Variants in SLC4A10 observed in about 807,000 individuals in gnomAD.
SLC4A10 encodes the protein solute carrier family 4 member 10.
Under a neutral mutation model 137.7 loss-of-function variants are expected in SLC4A10, and 42 were observed. The ratio of observed to expected loss-of-function variants is 0.30; its 90% CI spans 0.24 to 0.39. SLC4A10 has a LOEUF of 0.39. Ranked by LOEUF, SLC4A10 falls within the 10% of genes least tolerant of loss-of-function variation. SLC4A10 has a pLI of 1.00. For synonymous variants in SLC4A10, 474 were observed against 464.1 expected, an observed-to-expected ratio of 1.02 and a Z score of -0.27; for missense variants, 925 against 1,355.0, an observed-to-expected ratio of 0.68 and a Z score of 4.98.
chr2:161,818,477 C>A (rs1347430958), intron 3 of SLC4A10, among the ~76,000 whole-genome samples: 1 of 152,168 alleles, frequency 6.6e-6, no homozygotes, highest in East Asian at 1.9e-4. Flanking sequence ...ATTTCCTTCT[C>A]CTGCCTGATT....
chr2:161,791,439 G>A (rs929005641), intron 2 of SLC4A10, among the ~76,000 whole-genome samples: 1 of 152,096 alleles, frequency 6.6e-6, no homozygotes, highest in Non-Finnish European at 1.5e-5. Flanking sequence ...ACACATGAGA[G>A]GAAACAACAC....
intron 3 of SLC4A10, among the ~76,000 whole-genome samples, chr2:161,821,424 A>T (rs923072258): frequency 2.0e-5 from 3 of 152,172 alleles, no homozygotes; most frequent in Admixed American, 2.0e-4. Flanking sequence ...TTCAGTGGCT[A>T]TCATAAAAAT....
At chr2:161,648,389 G>A (rs975843937) in intron 1 of SLC4A10, among the ~76,000 whole-genome samples, 5 of 152,132 alleles carry the variant, frequency 3.3e-5, no homozygotes, top group African/African-American at 1.2e-4. Context: ...TGGCTCCGCT[G>A]ACTTCAATTT....
Position 161,927,874 on chromosome 2 carries a change from A to G in SLC4A10, c.1998-14918A>G, listed in dbSNP as rs868374898. ...AATCATTAAAAAGTCAGGAAACAAC[A>G]GGTGCTGGAGAGGATGTGGAGAAAT... On this transcript the variant is annotated intron_variant, in intron 15 of 26. Coordinates refer to ENST00000446997, the MANE Select transcript of SLC4A10 (RefSeq NM_001178015.2). Among the ~76,000 whole-genome samples the G allele has an allele frequency of 1.6e-4, 24 of 152,266 alleles. 3 individuals are homozygous for G. In the South Asian group the frequency reaches 4.8e-3, roughly 30 times the overall value.
chr2:161,818,074 A>G (rs1454851540), intron 3 of SLC4A10, among the ~76,000 whole-genome samples: 1 of 152,118 alleles, frequency 6.6e-6, no homozygotes, highest in South Asian at 2.1e-4. Context: ...CTTGGGCAAT[A>G]TGGCCATTTT....
chr2:161,754,067 T>G (rs1031591979), intron 1 of SLC4A10, among the ~76,000 whole-genome samples: 1 of 151,830 alleles, frequency 6.6e-6, no homozygotes, highest in Non-Finnish European at 1.5e-5. Context: ...TTTTTTTGTA[T>G]TTTTAGTAGA....
At chr2:161,840,025 T>G in intron 4 of SLC4A10, 98 bp downstream of exon 4, 1 of 1,448,432 alleles carries the variant, frequency 6.9e-7, no homozygotes, top group Non-Finnish European at 9.6e-7. Context: ...CATCTATGAT[T>G]GCTGCTGATT....
intron 15 of SLC4A10, among the ~76,000 whole-genome samples, chr2:161,927,933 A>T (rs1453821636): frequency 1.3e-5 from 2 of 151,492 alleles, no homozygotes; most frequent in African/African-American, 4.9e-5. Flanking sequence ...GGGACTGTAA[A>T]CTAGTTCAAC....
At chr2:161,915,745 A>G (rs528370033) in intron 15 of SLC4A10, among the ~76,000 whole-genome samples, 24 of 152,280 alleles carry the variant, frequency 1.6e-4, no homozygotes, top group African/African-American at 5.8e-4. Flanking sequence ...CCCTCCTGCA[A>G]GGGTTGAGCA....
chr2:161,687,127 C>T (rs190834007), intron 1 of SLC4A10, among the ~76,000 whole-genome samples: 28 of 152,300 alleles, frequency 1.8e-4, no homozygotes, highest in African/African-American at 5.5e-4. Context: ...AGCTGATGGG[C>T]TTCCCAAAGT....
intron 10 of SLC4A10, among the ~76,000 whole-genome samples, chr2:161,893,553 G>A (rs917967793): frequency 5.3e-5 from 8 of 151,954 alleles, no homozygotes; most frequent in Non-Finnish European, 7.4e-5. Flanking sequence ...TTAAAAATTA[G>A]CCAGGTTTTG....
intron 12 of SLC4A10, among the ~76,000 whole-genome samples, chr2:161,903,751 G>A (rs533004951): frequency 6.6e-6 from 1 of 152,284 alleles, no homozygotes; most frequent in East Asian, 1.9e-4. Flanking sequence ...TTGGTAAACA[G>A]CTCTGAACCT....
At chr2:161,731,738 T>A (rs543849240) in intron 1 of SLC4A10, among the ~76,000 whole-genome samples, 45 of 152,288 alleles carry the variant, frequency 3.0e-4, no homozygotes, top group African/African-American at 1.1e-3. Flanking sequence ...TGTTTTTTGA[T>A]GGGTTACAAG....
chr2:161,811,453 G>A (rs2056542790), intron 3 of SLC4A10, among the ~76,000 whole-genome samples: 1 of 151,544 alleles, frequency 6.6e-6, no homozygotes, highest in Admixed American at 6.6e-5. Flanking sequence ...TTTTCTCCTT[G>A]CCTCCACAAG....
intron 26 of SLC4A10, among the ~76,000 whole-genome samples, chr2:161,979,576 G>A (rs1699918635): frequency 6.6e-6 from 1 of 152,206 alleles, no homozygotes; most frequent in South Asian, 2.1e-4. Context: ...CATTACAGTA[G>A]AAACTCTGGC....
At chr2:161,789,893 T>A (rs954053018) in intron 2 of SLC4A10, among the ~76,000 whole-genome samples, 1 of 152,262 alleles carries the variant, frequency 6.6e-6, no homozygotes. Flanking sequence ...TGTGACTGGA[T>A]ATAAAGTTTA....
intron 1 of SLC4A10, among the ~76,000 whole-genome samples, chr2:161,755,971 A>G (rs1391465902): frequency 6.6e-6 from 1 of 152,058 alleles, no homozygotes; most frequent in Non-Finnish European, 1.5e-5. Flanking sequence ...GGGTTTCTCC[A>G]TGTTGGCCAG....
chr2:161,823,273 C>G (rs1028806032), intron 3 of SLC4A10, among the ~76,000 whole-genome samples: 5 of 152,164 alleles, frequency 3.3e-5, no homozygotes, highest in African/African-American at 1.2e-4. Flanking sequence ...AGTATTAAAT[C>G]ATAACTGCAT....
At chr2:161,978,298 G>A (rs1341871688) in intron 26 of SLC4A10, among the ~76,000 whole-genome samples, 1 of 148,646 alleles carries the variant, frequency 6.7e-6, no homozygotes. Flanking sequence ...GAGGCAGGAG[G>A]ATCGCTTGAG....
Sources: allele counts gnomAD v4.1 joint callset (sites outside exome capture counted in the v4.1 genomes callset), GRCh38; gene constraint gnomAD v4.1.1; transcripts MANE v1.5; gene names NCBI Gene and HGNC (gene_info 2026-07-23, HGNC 2026-07-21).